The following TEP1 variants were observed in gnomAD, a reference collection of about 807,000 sequenced individuals.
TEP1 encodes the protein telomerase protein component 1.
TEP1 carries 241 observed loss-of-function variants against 306.3 expected under a neutral mutation model. That is an observed-to-expected ratio of 0.79 (90% confidence interval 0.71 to 0.88). The LOEUF is 0.88. TEP1 is among the 40% of genes least tolerant of loss of function. The pLI, the probability that TEP1 is intolerant of heterozygous loss-of-function variation, is 0.00. For synonymous variants in TEP1, 1,289 were observed against 1,305.5 expected (o/e 0.99, Z 0.27); for missense variants, 3,051 against 3,276.1 (o/e 0.93, Z 1.68).
intron 3 of TEP1, 100 bp downstream of exon 3, chr14:20,406,133 C>T (rs763772775): frequency 1.7e-5 from 20 of 1,159,210 alleles, no homozygotes; most frequent in Middle Eastern, 5.1e-4. Context: ...TGTATCCCTA[C>T]CTTCCCCTTC....
At chr14:20,409,330 C>T (rs978987795) in intron 1 of TEP1, among the ~76,000 whole-genome samples, 10 of 152,350 alleles carry the variant, frequency 6.6e-5, no homozygotes, top group African/African-American at 2.4e-4. Context: ...TTCTTAACAT[C>T]AATGCTCCTT....
At position 20,391,030 on chromosome 14, in the gene TEP1, C is replaced by G. The variant is rs756750789; in HGVS notation, c.2164G>C (p.Val722Leu). The change falls in exon 14 of 55, where the codon GTG (valine) becomes CTG (leucine). Residue 722 changes from valine to leucine, a missense_variant. By Grantham distance (32) the Val-to-Leu change is conservative. Transcript: ENST00000262715. ...TTCAGAGTGTCACCTCCACACAGCA[C>G]GACGTCCACCTGCTCCGCCCTCGTG... ...MITRAEQVDV[V>L]LCGGDTLKTA... 9.3e-6 allele frequency: 15 copies of G among 1,613,988 alleles called. No individual in the cohort carries two copies. The highest frequency in any genetic ancestry group is 1.3e-5 in the African/African-American group (1 of 74,878).
intron 10 of TEP1, 112 bp from the exon 11 acceptor site, chr14:20,396,061 A>T: frequency 1.5e-6 from 1 of 658,948 alleles, no homozygotes. Flanking sequence ...AAATGAACTT[A>T]GACAAGAGAT....
chr14:20,406,160 C>T, intron 3 of TEP1, 73 bp downstream of exon 3: 1 of 1,512,032 alleles, frequency 6.6e-7, no homozygotes, highest in Non-Finnish European at 9.1e-7. Context: ...GGGAGGGGAC[C>T]TGGTTCAAGT....
At position 20,391,704 on chromosome 14, in the gene TEP1, G is replaced by T; in HGVS notation, c.1992C>A (p.Asn664Lys). The T allele has an allele frequency of 6.2e-7, 1 of 1,614,216 alleles. No homozygotes were observed. Among genetic ancestry groups the T allele is most frequent in the East Asian group, 2.2e-5 (1 of 44,890 alleles). ...RYRQALETAVNLSVKHSLPLL... is the reference protein window; with the variant it reads ...RYRQALETAVKLSVKHSLPLL... The stretch of plus-strand genomic sequence containing the variant: ...GGGGCAGGCTGTGCTTCACAGAGAG[G>T]TTCACAGCTGTCTCTAGGGCCTGTC... The change falls in exon 13 of 55, where the codon AAC (asparagine) becomes AAA (lysine). Residue 664 changes from asparagine to lysine, a missense_variant. Coordinates refer to ENST00000262715, the MANE Select transcript of TEP1 (RefSeq NM_007110.5).
At chr14:20,380,799 C>A in intron 33 of TEP1, 132 bp downstream of exon 33, 1 of 806,970 alleles carries the variant, frequency 1.2e-6, no homozygotes, top group Non-Finnish European at 2.0e-6. Flanking sequence ...TTGGCATTTT[C>A]AACTCGAAAT....
In TEP1 at chr14:20,383,281, G is replaced by T; in HGVS notation, c.3940C>A (p.His1314Asn). ...TCCAGAGGCCCCAAGGCCAGCACGT[G>T]GGCACCCTGGCTCTGCTCAAGGGTC... is the stretch of plus-strand genomic sequence containing the variant. ...GETLEQSQGA[H>N]VLALGPLEAS... is the part of the protein sequence containing the mutation. The change falls in exon 27 of 55, where the codon CAC (histidine) becomes AAC (asparagine). Residue 1314 changes from histidine to asparagine, a missense_variant. His to Asn is a moderately conservative substitution (Grantham distance 68). Coordinates refer to ENST00000262715, the MANE Select transcript of TEP1 (RefSeq NM_007110.5). 1.2e-6 allele frequency: 2 copies of T among 1,613,510 alleles called. No individual in the cohort carries two copies. The highest frequency in any genetic ancestry group is 1.7e-6 in the Non-Finnish European group (2 of 1,179,762).
intron 9 of TEP1, among the ~76,000 whole-genome samples, chr14:20,399,964 C>T (rs530167793): frequency 7.5e-4 from 113 of 151,532 alleles, no homozygotes; most frequent in African/African-American, 2.6e-3. Flanking sequence ...GAGTTCAAGA[C>T]CAGCCAATAT....
At position 20,366,952 on chromosome 14, in the gene TEP1, C is replaced by T. The variant is rs1259890541; in HGVS notation, c.*1485G>A. 1 of 152,218 alleles carries T rather than the reference C, an allele frequency of 6.6e-6. No individual in the cohort carries two copies. Among genetic ancestry groups the T allele is most frequent in the Non-Finnish European group, 1.5e-5 (1 of 68,054 alleles). 9.4% of individuals were successfully genotyped at this position (152,218 alleles called of 1,614,324 possible). A position where few individuals can be genotyped will look rare whatever the true frequency, so the allele number is the denominator to read the frequency against. On this transcript the variant is annotated 3_prime_UTR_variant, in exon 55 of 55. Transcript: ENST00000262715. ...AAGCTCTAGTTGTCTGTCTCCCATG[C>T]TCTGAAAATTCTACAAAACACCCCA...
chr14:20,382,297 C>G lies in TEP1; in HGVS notation c.4200G>C (p.Leu1400=). The change falls in exon 29 of 55, where the codon CTG becomes CTC. Residue 1400 remains leucine (L), a synonymous_variant. Coordinates refer to ENST00000262715, the MANE Select transcript of TEP1 (RefSeq NM_007110.5). The part of the protein sequence containing the change: ...ATVPLLLQHI[L]STLEKEHGPD... ...GCCCGTGCTCCTTCTCCAGTGTGCT[C>G]AGGATGTGCTGCAGCAGCAGGGGGA... 2 of 1,613,972 alleles carry G rather than the reference C, an allele frequency of 1.2e-6. No homozygotes were observed. The highest frequency in any genetic ancestry group is 8.5e-7 in the Non-Finnish European group (1 of 1,179,940).
At chr14:20,412,160 G>C (rs1879723046) in intron 1 of TEP1, among the ~76,000 whole-genome samples, 1 of 152,160 alleles carries the variant, frequency 6.6e-6, no homozygotes, top group South Asian at 2.1e-4. Flanking sequence ...ACGTCAGTGT[G>C]ACAAACACGT....
At position 20,391,732 on chromosome 14, in the gene TEP1, T is replaced by A; in HGVS notation, c.1964A>T (p.Tyr655Phe). The change falls in exon 13 of 55, where the codon TAC becomes TTC. Residue 655 changes from tyrosine to phenylalanine, a missense_variant. Transcript: ENST00000262715. ...WKYDGEMLNR[Y>F]RQALETAVNL... ...CACAGCTGTCTCTAGGGCCTGTCGG[T>A]ACCTGTTCAGCATCTCACCATCATA... 3 of 1,614,202 alleles carry A rather than the reference T, an allele frequency of 1.9e-6. No homozygotes were observed. Among genetic ancestry groups the A allele is most frequent in the Non-Finnish European group, 2.5e-6 (3 of 1,180,028 alleles).
intron 12 of TEP1, among the ~76,000 whole-genome samples, chr14:20,392,684 C>G (rs900137128): frequency 2.6e-5 from 4 of 152,142 alleles, no homozygotes; most frequent in Non-Finnish European, 5.9e-5. Context: ...TTGAATAAAA[C>G]TGTGAAATGA....
At chr14:20,378,326 C>T in intron 38 of TEP1, 54 bp downstream of exon 38, 2 of 1,612,032 alleles carry the variant, frequency 1.2e-6, no homozygotes, top group Admixed American at 1.7e-5. Flanking sequence ...CGTCTGCCAC[C>T]CTCCACTCCT....
intron 23 of TEP1, 38 bp from the exon 24 acceptor site, chr14:20,384,270 T>C (rs1876909238): frequency 1.2e-6 from 2 of 1,610,108 alleles, no homozygotes; most frequent in Non-Finnish European, 1.7e-6. Flanking sequence ...CATGGTGCCA[T>C]GCTCCTCAGC....
chr14:20,383,785 C>T lies in TEP1; in HGVS notation c.3668G>A (p.Arg1223His), dbSNP rs374070269. The T allele has an allele frequency of 1.1e-5, 18 of 1,611,118 alleles. No individual in the cohort carries two copies. The highest frequency in any genetic ancestry group is 5.3e-5 in the African/African-American group (4 of 74,876). ...TLLRRLCTYL[R>H]GQLKEPGALP... ...GGCACCTGGCTCTTTTAGTTGGCCA[C>T]GCAGATAGGTACAGAGGCGTCTGAG... Residue 1223 changes from arginine (R) to histidine (H), a missense_variant, in exon 25 of 55, where the codon CGT (arginine) becomes CAT (histidine). By Grantham distance (29) the Arg-to-His change is conservative. Transcript: ENST00000262715.
rs61739723 is a variant in TEP1 at position 20,381,929 on chromosome 14, C to A, written c.4408G>T (p.Val1470Phe). 2 of 1,613,970 alleles carry A rather than the reference C, an allele frequency of 1.2e-6. No homozygotes were observed. Among genetic ancestry groups the A allele is most frequent in the South Asian group, 1.1e-5 (1 of 91,076 alleles). Residue 1470 changes from valine (V) to phenylalanine (F), a missense_variant, in exon 30 of 55, where the codon GTC becomes TTC. Around this residue, in one of 3 missense-constraint regions of TEP1, gnomAD observed 1,540 missense variants for 1,705.9 expected, o/e 0.90. Coordinates refer to ENST00000262715, the MANE Select transcript of TEP1 (RefSeq NM_007110.5). This position sits in a 1 kb window ranked among gnomAD's most constrained non-coding sequence, Gnocchi z 4.0. The part of the protein sequence containing the change: ...PYPMGPFACL[V>F]QSLRSLLGEG... ...CACCTGTACCTGCGCAGACTCTGGACGAGGCAGGCAAACGGGCCCATGGGG... is the reference window on the plus strand; with the variant it reads ...CACCTGTACCTGCGCAGACTCTGGAAGAGGCAGGCAAACGGGCCCATGGGG...
chr14:20,369,171 C>A (rs1022934962), intron 53 of TEP1, among the ~76,000 whole-genome samples, 173 bp downstream of exon 53: 2 of 152,104 alleles, frequency 1.3e-5, no homozygotes, highest in African/African-American at 4.8e-5. Context: ...CCACGCCCAG[C>A]TAATTTTTTG....
rs201372513 is a variant in TEP1, at chr14:20,368,408, G to T, written c.*29C>A. On this transcript the variant is annotated 3_prime_UTR_variant, in exon 55 of 55. Coordinates refer to ENST00000262715, the MANE Select transcript of TEP1 (RefSeq NM_007110.5). ...TCAGGCTTTGCATCTCTAGCACAAG[G>T]GGTATCATTATTCCCGAGTGGCACA... 6.2e-7 allele frequency: 1 copy of T among 1,611,452 alleles called. No homozygotes were observed. Among genetic ancestry groups the T allele is most frequent in the South Asian group, 1.1e-5 (1 of 91,016 alleles).
Sources: allele counts gnomAD v4.1 joint callset (sites outside exome capture counted in the v4.1 genomes callset), GRCh38; gene constraint gnomAD v4.1.1; regional missense constraint gnomAD v4.1.1; non-coding constraint Gnocchi (gnomAD v3.1); transcripts MANE v1.5; gene names NCBI Gene and HGNC (gene_info 2026-07-23, HGNC 2026-07-21).